C2CD2L: variants seen among roughly 807,000 people sequenced by gnomAD.
C2CD2L encodes C2CD2 like, also known as phospholipid transfer protein C2CD2L.
C2CD2L carries 24 observed loss-of-function variants against 69.9 expected under a neutral mutation model. That is an observed-to-expected ratio of 0.34 (90% CI 0.25 to 0.48). The LOEUF is 0.48. Among genes scored for constraint, C2CD2L ranks in the 20% least tolerant of loss-of-function variants. C2CD2L has a pLI of 0.99. For synonymous variants in C2CD2L, 367 were observed against 391.0 expected (o/e 0.94, Z 0.72); for missense variants, 811 against 941.5 (o/e 0.86, Z 1.81).
rs1267790163 is a variant in C2CD2L, at chr11:119,109,654, C to T, written c.355-450C>T. ...CTTATCTTGAACAAGGTGGCTCTAC[C>T]ACCTTTACCGGGGCTTAGCCCTTTC... On this transcript the variant is annotated intron_variant, in intron 1 of 13. Coordinates refer to ENST00000648610, the MANE Select transcript of C2CD2L (RefSeq NM_001290474.2). This position sits in a 1 kb window ranked among gnomAD's most constrained non-coding sequence, Gnocchi z 5.1. 2.0e-5 allele frequency among the ~76,000 whole-genome samples: 3 copies of T among 152,226 alleles called. No individual in the cohort carries two copies.
chr11:119,117,665 C>G lies in C2CD2L; in HGVS notation c.*1409C>G, dbSNP rs967936410. 2 of 152,202 alleles carry G rather than the reference C, an allele frequency of 1.3e-5. No individual in the cohort carries two copies. Among genetic ancestry groups the G allele is most frequent in the Admixed American group, 6.5e-5 (1 of 15,284 alleles). The allele number at this position is 152,202 out of a possible 1,614,324, so 9.4% of individuals were successfully genotyped here. A position where few individuals can be genotyped will look rare whatever the true frequency, so the allele number is the denominator to read the frequency against. ...TCAACATAATAAAAGCTCTCTCATT[C>G]TGAAATGTGGGCAAATTTCAGGGAT... On this transcript the variant is annotated 3_prime_UTR_variant, in exon 14 of 14. Transcript: ENST00000648610.
rs543134285 is a variant in C2CD2L, at chr11:119,113,079, C to G, written c.1387+205C>G. The G allele has an allele frequency of 2.0e-4, 120 of 597,882 alleles. 1 individual carries two copies. The highest frequency in any genetic ancestry group is 3.1e-4 in the Non-Finnish European group (105 of 337,374). The allele number at this position is 597,882 out of a possible 1,614,324, so 37.0% of individuals were successfully genotyped here. On this transcript the variant is annotated intron_variant, in intron 10 of 13. Transcript: ENST00000648610. Reference sequence around the variant, plus strand: ...CTGCCATTTCCCCAGCAATTCCTCTCACTCTGCCACCCTTCTGGATCCTCC... The same window carrying G: ...CTGCCATTTCCCCAGCAATTCCTCTGACTCTGCCACCCTTCTGGATCCTCC...
Position 119,110,272 on chromosome 11 carries a change from A to G in C2CD2L, c.450+73A>G. On this transcript the variant is annotated intron_variant, in intron 2 of 13. Transcript: ENST00000648610. The surrounding 1 kb of genome is among the most constrained non-coding windows in gnomAD (Gnocchi z 5.7). ...ACCCCAAGGGCTCCCTTTAGTCCAG[A>G]GGTTCTTAACCTGGAGTCTGTGAAT... 1 of 1,153,318 alleles carries G rather than the reference A, an allele frequency of 8.7e-7. No homozygotes were observed. Among genetic ancestry groups the G allele is most frequent in the South Asian group, 1.3e-5 (1 of 79,434 alleles). 71.4% of individuals were successfully genotyped at this position (1,153,318 alleles called of 1,614,324 possible).
intron 13 of C2CD2L, chr11:119,115,341 C>T (rs1013217494): frequency 2.0e-5 from 3 of 152,114 alleles, no homozygotes; most frequent in African/African-American, 7.2e-5. Flanking sequence ...CTTGGATTAT[C>T]CATCTGGCAG....
chr11:119,106,623 C>T (rs1196489002), upstream of C2CD2L: 1 of 152,188 alleles, frequency 6.6e-6, no homozygotes, highest in African/African-American at 2.4e-5. Flanking sequence ...TATTGATAGT[C>T]CAGTGCTACA....
chr11:119,111,130 A>G lies in C2CD2L; in HGVS notation c.760A>G (p.Met254Val), dbSNP rs1186119508. ...CATAGTCAGCACCCAGCCAGCCATG[A>G]TGGTCAACCTCAGGGCTTGCTCTGC... The part of the protein sequence containing the change: ...DAIVSTQPAM[M>V]VNLRACSAPG... Residue 254 changes from methionine to valine, a missense_variant, in exon 5 of 14, where the codon ATG (methionine) becomes GTG (valine). Transcript: ENST00000648610. 2 of 1,614,000 alleles carry G rather than the reference A, an allele frequency of 1.2e-6. No individual in the cohort carries two copies. Among genetic ancestry groups the G allele is most frequent in the South Asian group, 2.2e-5 (2 of 91,080 alleles).
intron 13 of C2CD2L, 25 bp from the exon 14 acceptor site, chr11:119,116,020 C>T: frequency 2.5e-6 from 4 of 1,610,772 alleles, no homozygotes; most frequent in Non-Finnish European, 3.4e-6. Context: ...CCCTCTCTGC[C>T]TCAGCTTCCC....
upstream of C2CD2L, chr11:119,107,173 A>G (rs1252452459): frequency 6.6e-6 from 1 of 152,236 alleles, no homozygotes; most frequent in African/African-American, 2.4e-5. This position sits in a 1 kb window ranked among gnomAD's most constrained non-coding sequence, Gnocchi z 5.4. Context: ...GAGCACCGCG[A>G]TTGCAAGATG....
chr11:119,103,116 C>A (rs1946535455), upstream of C2CD2L, among the ~76,000 whole-genome samples: 1 of 152,044 alleles, frequency 6.6e-6, no homozygotes, highest in South Asian at 2.1e-4. Flanking sequence ...GTTTGGGACT[C>A]CCGACCTCAG....
chr11:119,104,788 C>G (rs1255969222), upstream of C2CD2L, among the ~76,000 whole-genome samples: 5 of 152,194 alleles, frequency 3.3e-5, no homozygotes, highest in East Asian at 9.6e-4. Context: ...TAGACAAAGC[C>G]TGTCCCAAAA....
intron 1 of C2CD2L, 142 bp downstream of exon 1, chr11:119,108,237 A>C (rs923437492): frequency 1.1e-5 from 6 of 566,716 alleles, no homozygotes; most frequent in Non-Finnish European, 1.9e-5. Context: ...GATCAGAGAA[A>C]AGGGTGCCGC....
At position 119,112,321 on chromosome 11, in the gene C2CD2L, C is replaced by T; in HGVS notation, c.1020-7C>T. On this transcript the variant is annotated splice_region_variant and splice_polypyrimidine_tract_variant and intron_variant, in intron 7 of 13. Coordinates refer to ENST00000648610, the MANE Select transcript of C2CD2L (RefSeq NM_001290474.2). ...TCCTTCCTGCCCCATCTCCTCTTGT[C>T]CCACAGGGATCTGGGCCCCCAGAGC... 1 of 1,611,340 alleles carries T rather than the reference C, an allele frequency of 6.2e-7. No homozygotes were observed. The highest frequency in any genetic ancestry group is 8.5e-7 in the Non-Finnish European group (1 of 1,179,262).
intron 1 of C2CD2L, 37 bp downstream of exon 1, chr11:119,108,132 C>A: frequency 6.9e-7 from 1 of 1,445,178 alleles, no homozygotes; most frequent in Non-Finnish European, 9.5e-7. Context: ...TCCCTTCAGC[C>A]TTTCCTTCCA....
chr11:119,107,098 C>A (rs1464478807), upstream of C2CD2L: 1 of 152,278 alleles, frequency 6.6e-6, no homozygotes, highest in Non-Finnish European at 1.5e-5. This position sits in a 1 kb window ranked among gnomAD's most constrained non-coding sequence, Gnocchi z 5.4. Context: ...ATCTAACAAG[C>A]ATAGGGGAAA....
Position 119,107,698 on chromosome 11 carries a change from C to A in C2CD2L, c.-44C>A, listed in dbSNP as rs770032768. The A allele has an allele frequency of 7.8e-7, 1 of 1,283,442 alleles. No individual in the cohort carries two copies. Among genetic ancestry groups the A allele is most frequent in the Non-Finnish European group, 1.0e-6 (1 of 984,362 alleles). 79.5% of individuals were successfully genotyped at this position (1,283,442 alleles called of 1,614,324 possible). On this transcript the variant is annotated 5_prime_UTR_variant, in exon 1 of 14. Coordinates refer to ENST00000648610, the MANE Select transcript of C2CD2L (RefSeq NM_001290474.2). This position sits in a 1 kb window ranked among gnomAD's most constrained non-coding sequence, Gnocchi z 5.4. The stretch of plus-strand genomic sequence containing the variant: ...CCCGGGCCATGCTCCCCCGGGGCAG[C>A]GGGTGAGCCCCAGCCGGGACCGGGA...
At position 119,111,585 on chromosome 11, in the gene C2CD2L, C is replaced by T. The variant is rs201118399; in HGVS notation, c.975C>T (p.Pro325=). 4.7e-5 allele frequency: 76 copies of T among 1,614,108 alleles called. No individual in the cohort carries two copies. The African/African-American group carries it at 5.2e-4, about 11-fold the overall frequency. The change falls in exon 7 of 14, where the codon CCC becomes CCT. Residue 325 remains proline, a synonymous_variant. Transcript: ENST00000648610. ...DNPMQQKWTK[P]ARAGSEVEWT... is the part of the protein sequence containing the mutation. ...CCATGCAGCAGAAGTGGACCAAGCCCGCGAGGGCTGGATCCGAGGTGGAGT... is the reference window on the plus strand; with the variant it reads ...CCATGCAGCAGAAGTGGACCAAGCCTGCGAGGGCTGGATCCGAGGTGGAGT...
In C2CD2L at chr11:119,110,689, G is replaced by A. The variant is rs1044877954; in HGVS notation, c.570+9G>A. 31 of 1,613,712 alleles carry A rather than the reference G, an allele frequency of 1.9e-5. No individual in the cohort carries two copies. Among genetic ancestry groups the A allele is most frequent in the Non-Finnish European group, 2.5e-5 (29 of 1,179,956 alleles). On this transcript the variant is annotated intron_variant, in intron 3 of 13. Coordinates refer to ENST00000648610, the MANE Select transcript of C2CD2L (RefSeq NM_001290474.2). The surrounding 1 kb of genome is among the most constrained non-coding windows in gnomAD (Gnocchi z 5.7). ...CACTGCCACCAACACAGGTAGAAGG[G>A]GATGTGGGAAACTGAGTTGGGCAGG...
chr11:119,115,250 G>C (rs1946855612), intron 13 of C2CD2L: 2 of 47,046 alleles, frequency 4.3e-5, no homozygotes, highest in African/African-American at 2.2e-4. Flanking sequence ...GTGAGACTCT[G>C]TCTCAAAAAA....
chr11:119,112,433 A>G, intron 8 of C2CD2L, 41 bp downstream of exon 8: 1 of 1,613,838 alleles, frequency 6.2e-7, no homozygotes, highest in Middle Eastern at 1.7e-4. Context: ...GTGGGTACAG[A>G]GTGGGGTCTG....
Sources: gnomAD v4.1 joint callset for allele counts (sites outside exome capture counted in the v4.1 genomes callset) on GRCh38, gnomAD v4.1.1 for gene constraint, Gnocchi (gnomAD v3.1) non-coding constraint, MANE v1.5 for transcripts, NCBI Gene and HGNC (gene_info 2026-07-23, HGNC 2026-07-21) for gene names.